KIRREL3: variants seen among roughly 807,000 people sequenced by gnomAD.
The protein encoded by KIRREL3 is kin of IRRE-like protein 3.
A neutral mutation model predicts 89.7 loss-of-function variants in KIRREL3; 36 were observed. The observed-to-expected ratio is 0.40, with a 90% confidence interval of 0.31 to 0.53. KIRREL3 has a LOEUF of 0.53. KIRREL3 is among the 20% of genes least tolerant of loss of function. The probability of loss-of-function intolerance (pLI) is 0.49; values close to 1 mark genes in which losing one functional copy is unlikely to be tolerated. For missense variants in KIRREL3, 864 were observed against 1,056.6 expected, an observed-to-expected ratio of 0.82 and a Z score of 2.53; for synonymous variants, 445 against 441.4, an observed-to-expected ratio of 1.01 and a Z score of -0.10.
At position 126,772,916 on chromosome 11, in the gene KIRREL3, A is replaced by C. The variant is rs951390620; in HGVS notation, c.56-210004T>G. 6.6e-6 allele frequency among the ~76,000 whole-genome samples: 1 copy of C among 152,208 alleles called. No homozygotes were observed. The highest frequency in any genetic ancestry group is 1.5e-5 in the Non-Finnish European group (1 of 68,042). Reference sequence around the variant, plus strand: ...ACAATCTCCCCAGTGATTCTTACGGACATCAGGACTGAGGTCCTGGGGTTC... The same window carrying C: ...ACAATCTCCCCAGTGATTCTTACGGCCATCAGGACTGAGGTCCTGGGGTTC... On this transcript the variant is annotated intron_variant, in intron 1 of 16. Coordinates refer to ENST00000525144, the MANE Select transcript of KIRREL3 (RefSeq NM_032531.4). The surrounding 1 kb of genome is among the most constrained non-coding windows in gnomAD (Gnocchi z 4.6).
chr11:126,938,031 A>G (rs937180283), intron 1 of KIRREL3, among the ~76,000 whole-genome samples: 5 of 152,376 alleles, frequency 3.3e-5, no homozygotes, highest in Admixed American at 6.5e-5. Flanking sequence ...CTGCTGGACC[A>G]ACTCTGGCAG....
Position 126,530,267 on chromosome 11 carries a change from T to C in KIRREL3, c.134-3580A>G, listed in dbSNP as rs374373834. Among the ~76,000 whole-genome samples the C allele has an allele frequency of 4.6e-5, 7 of 152,118 alleles. No homozygotes were observed. The highest frequency in any genetic ancestry group is 1.7e-4 in the African/African-American group (7 of 41,410). ...GTCCGGCTGATTTTCATATTTTTAATAGAGACAGGGTTTCACCATGTTGGC... is the reference window on the plus strand; with the variant it reads ...GTCCGGCTGATTTTCATATTTTTAACAGAGACAGGGTTTCACCATGTTGGC... On this transcript the variant is annotated intron_variant, in intron 2 of 16. Transcript: ENST00000525144. The surrounding 1 kb of genome is among the most constrained non-coding windows in gnomAD (Gnocchi z 5.8).
At chr11:126,913,148 T>G (rs1202460537) in intron 1 of KIRREL3, among the ~76,000 whole-genome samples, 2 of 152,236 alleles carry the variant, frequency 1.3e-5, no homozygotes, top group East Asian at 3.8e-4. Flanking sequence ...CATCCATCTT[T>G]CAGTGTCCTT....
chr11:126,716,196 G>A (rs570712931), intron 1 of KIRREL3, among the ~76,000 whole-genome samples: 2 of 152,046 alleles, frequency 1.3e-5, no homozygotes, highest in Non-Finnish European at 2.9e-5. Flanking sequence ...ATTTGGGAAG[G>A]AGAGGGAGGC....
In KIRREL3 at chr11:126,905,242, G is replaced by A. The variant is rs1485122019; in HGVS notation, c.55+95213C>T. On this transcript the variant is annotated intron_variant, in intron 1 of 16. Transcript: ENST00000525144. This position sits in a 1 kb window ranked among gnomAD's most constrained non-coding sequence, Gnocchi z 5.0. ...TAAGTCACCTTCCATGGCAAGGGGAGGGTGGGTGATATTTTTTAGTGAAGG... is the reference window on the plus strand; with the variant it reads ...TAAGTCACCTTCCATGGCAAGGGGAAGGTGGGTGATATTTTTTAGTGAAGG... Among the ~76,000 whole-genome samples, 8 of 152,144 alleles carry A rather than the reference G, an allele frequency of 5.3e-5. No homozygotes were observed. The highest frequency in any genetic ancestry group is 5.9e-5 in the Non-Finnish European group (4 of 68,038).
At chr11:126,893,483 C>T (rs2282507) in intron 1 of KIRREL3, among the ~76,000 whole-genome samples, 23,177 of 152,258 alleles carry the variant, frequency 0.15, 2,275 homozygotes, top group East Asian at 0.42. Flanking sequence ...TGGGGCTTAT[C>T]AGCATTTACT....
chr11:126,442,039 G>A (rs1955585392), intron 10 of KIRREL3, among the ~76,000 whole-genome samples: 4 of 151,892 alleles, frequency 2.6e-5, no homozygotes, highest in Admixed American at 2.0e-4. Context: ...TTGGGAGGCT[G>A]AGGAGGGTGG....
chr11:126,463,168 A>G lies in KIRREL3; in HGVS notation c.731T>C (p.Ile244Thr). 6.2e-7 allele frequency: 1 copy of G among 1,613,214 alleles called. No homozygotes were observed. Among genetic ancestry groups the G allele is most frequent in the Non-Finnish European group, 8.5e-7 (1 of 1,179,758 alleles). ...GGGTGGGTACTCACGCTGGATGTCA[A>G]TGGTGACCGACGTCTCCTTTCCTCC... ...IPGGKETSVTIDIQHPPLVNL... is the reference protein window; with the variant it reads ...IPGGKETSVTTDIQHPPLVNL... The change falls in exon 6 of 17, where the codon ATT becomes ACT. Residue 244 changes from isoleucine to threonine, a missense_variant. Ile to Thr is a moderately conservative substitution (Grantham distance 89). Coordinates refer to ENST00000525144, the MANE Select transcript of KIRREL3 (RefSeq NM_032531.4). The surrounding 1 kb of genome is among the most constrained non-coding windows in gnomAD (Gnocchi z 5.9).
At position 126,465,958 on chromosome 11, in the gene KIRREL3, T is replaced by C. The variant is rs1591586207; in HGVS notation, c.592-2651A>G. Among the ~76,000 whole-genome samples, 3 of 152,192 alleles carry C rather than the reference T, an allele frequency of 2.0e-5. No individual in the cohort carries two copies. In the South Asian group the frequency reaches 6.2e-4, roughly 32 times the overall value. Reference sequence around the variant, plus strand: ...GGGCGGGGAGGTGGTGAGGAGCAGGTTGGTATTCTTCTTCTCTTCTTTACA... The same window carrying C: ...GGGCGGGGAGGTGGTGAGGAGCAGGCTGGTATTCTTCTTCTCTTCTTTACA... On this transcript the variant is annotated intron_variant, in intron 5 of 16. Coordinates refer to ENST00000525144, the MANE Select transcript of KIRREL3 (RefSeq NM_032531.4).
Position 126,525,565 on chromosome 11 carries a change from T to TTC in KIRREL3, c.283+972_283+973insGA, listed in dbSNP as rs1958723876. Among the ~76,000 whole-genome samples, 1 of 152,228 alleles carries TTC rather than the reference T, an allele frequency of 6.6e-6. No individual in the cohort carries two copies. The highest frequency in any genetic ancestry group is 1.5e-5 in the Non-Finnish European group (1 of 68,038). ...ATTAATTTCCCAACCATCATGTTCCTGAGTGCACTTCGATTTTTATTTTCC... is the reference window on the plus strand; with the variant it reads ...ATTAATTTCCCAACCATCATGTTCCTTCGAGTGCACTTCGATTTTTATTTTCC... On this transcript the variant is annotated intron_variant, in intron 3 of 16. Coordinates refer to ENST00000525144, the MANE Select transcript of KIRREL3 (RefSeq NM_032531.4). This position sits in a 1 kb window ranked among gnomAD's most constrained non-coding sequence, Gnocchi z 5.4.
rs1565545760 is a variant in KIRREL3, at chr11:126,553,473, T to C, written c.133+9362A>G. 6.6e-6 allele frequency among the ~76,000 whole-genome samples: 1 copy of C among 152,124 alleles called. No individual in the cohort carries two copies. Among genetic ancestry groups the C allele is most frequent in the Non-Finnish European group, 1.5e-5 (1 of 68,024 alleles). On this transcript the variant is annotated intron_variant, in intron 2 of 16. Coordinates refer to ENST00000525144, the MANE Select transcript of KIRREL3 (RefSeq NM_032531.4). The surrounding 1 kb of genome is among the most constrained non-coding windows in gnomAD (Gnocchi z 4.7). ...CTCTCTTGCTGGCAGACAGAATAGCTCTTACTGGCATTATGTGCCTGAGAG... is the reference window on the plus strand; with the variant it reads ...CTCTCTTGCTGGCAGACAGAATAGCCCTTACTGGCATTATGTGCCTGAGAG...
chr11:126,440,820 A>G (rs1447039644), intron 10 of KIRREL3: 2 of 541,622 alleles, frequency 3.7e-6, no homozygotes, highest in South Asian at 2.0e-5. Flanking sequence ...GAGTGTTAGT[A>G]CCACAGGAGC....
At chr11:126,743,646 T>G (rs1167951146) in intron 1 of KIRREL3, among the ~76,000 whole-genome samples, 2 of 152,400 alleles carry the variant, frequency 1.3e-5, no homozygotes, top group East Asian at 3.9e-4. Flanking sequence ...TCTTTACTTT[T>G]CTACTTACTA....
intron 1 of KIRREL3, among the ~76,000 whole-genome samples, chr11:126,595,114 T>C (rs1203428706): frequency 6.6e-6 from 1 of 152,236 alleles, no homozygotes; most frequent in Non-Finnish European, 1.5e-5. Context: ...TCAGCCCGGC[T>C]GAGAGCACTC....
chr11:126,923,129 C>CTTCTTCTTCT lies in KIRREL3; in HGVS notation c.55+77325_55+77326insAGAAGAAGAA, dbSNP rs1555090094. ...CCTTCTCCTTCTCCTTCTCCTTCTT[C>CTTCTTCTTCT]TCTTCTTCTTCTTCTTCTTCTTCTT... On this transcript the variant is annotated intron_variant, in intron 1 of 16. Coordinates refer to ENST00000525144, the MANE Select transcript of KIRREL3 (RefSeq NM_032531.4). Among the ~76,000 whole-genome samples, 56 of 25,738 alleles carry CTTCTTCTTCT rather than the reference C, an allele frequency of 2.2e-3. 10 individuals carry two copies. The highest frequency in any genetic ancestry group is 2.0e-3 in the Admixed American group (5 of 2,466). 16.9% of individuals were successfully genotyped at this position (25,738 alleles called of 152,430 possible). A position where few individuals can be genotyped will look rare whatever the true frequency, so the allele number is the denominator to read the frequency against.
At chr11:126,511,718 A>T (rs1264675132) in intron 4 of KIRREL3, among the ~76,000 whole-genome samples, 2 of 152,184 alleles carry the variant, frequency 1.3e-5, no homozygotes, top group African/African-American at 4.8e-5. Context: ...TCTGAGGATG[A>T]CACCCCTCCG....
rs76440108 is a variant in KIRREL3 at position 126,843,837 on chromosome 11, G to A, written c.55+156618C>T. Among the ~76,000 whole-genome samples, 8,753 of 152,054 alleles carry A rather than the reference G, an allele frequency of 0.058. 437 individuals carry two copies. Among genetic ancestry groups the A allele is most frequent in the African/African-American group, 0.14 (5,606 of 41,434 alleles). ...CATCCTCACTGCTACACTCCCACCCGTGCCATGACAGTTTACAAATGCCAT... is the reference window on the plus strand; with the variant it reads ...CATCCTCACTGCTACACTCCCACCCATGCCATGACAGTTTACAAATGCCAT... On this transcript the variant is annotated intron_variant, in intron 1 of 16. Transcript: ENST00000525144. The surrounding 1 kb of genome is among the most constrained non-coding windows in gnomAD (Gnocchi z 4.6).
rs1274196947 is a variant in KIRREL3, at chr11:126,954,917, C to T, written c.55+45538G>A. ...ACGCACCTCAAACATACTGTGTGGG[C>T]AACAACTCTGTCTCTTGCATTCCCT... On this transcript the variant is annotated intron_variant, in intron 1 of 16. Coordinates refer to ENST00000525144, the MANE Select transcript of KIRREL3 (RefSeq NM_032531.4). The surrounding 1 kb of genome is among the most constrained non-coding windows in gnomAD (Gnocchi z 4.1). 6.6e-6 allele frequency among the ~76,000 whole-genome samples: 1 copy of T among 152,184 alleles called. No individual in the cohort carries two copies. Among genetic ancestry groups the T allele is most frequent in the Non-Finnish European group, 1.5e-5 (1 of 68,034 alleles).
intron 6 of KIRREL3, among the ~76,000 whole-genome samples, chr11:126,457,256 TGTGTATGC>T (rs1290121613): frequency 7.3e-6 from 1 of 136,264 alleles, no homozygotes; most frequent in African/African-American, 2.6e-5. Context: ...TGTGTGTATG[TGTGTATGC>T]ATGTGTGTGT....
Sources: allele counts gnomAD v4.1 joint callset (sites outside exome capture counted in the v4.1 genomes callset), GRCh38; gene constraint gnomAD v4.1.1; non-coding constraint Gnocchi (gnomAD v3.1); transcripts MANE v1.5; gene names NCBI Gene and HGNC (gene_info 2026-07-23, HGNC 2026-07-21).